TRPM3: variants seen among roughly 807,000 people sequenced by gnomAD.
The protein encoded by TRPM3 is transient receptor potential cation channel subfamily M member 3.
TRPM3 carries 77 observed loss-of-function variants against 181.2 expected under a neutral mutation model. That is an observed-to-expected ratio of 0.42 (90% confidence interval 0.35 to 0.51). The LOEUF (loss-of-function observed/expected upper bound fraction) is 0.51. Among genes scored for constraint, TRPM3 ranks in the 20% least tolerant of loss-of-function variants. The probability of loss-of-function intolerance (pLI) is 0.01; values close to 1 mark genes in which losing one functional copy is unlikely to be tolerated. For synonymous variants in TRPM3, 745 were observed against 796.4 expected (o/e 0.94, Z 1.09); for missense variants, 1,759 against 2,196.7 (o/e 0.80, Z 3.98).
rs191695932 is a variant in TRPM3, at chr9:70,870,996, G to A, written c.178-6485C>T. Among the ~76,000 whole-genome samples the A allele has an allele frequency of 1.1e-3, 174 of 151,786 alleles. 1 individual carries two copies. The highest frequency in any genetic ancestry group is 4.0e-3 in the African/African-American group (165 of 41,426). On this transcript the variant is annotated intron_variant, in intron 1 of 25. Transcript: ENST00000677713. ...CCATATGATAATAGGAGGTTATTAC[G>A]GATGAGTATCTCAGGAAGAGACAAA...
intron 24 of TRPM3, among the ~76,000 whole-genome samples, chr9:70,551,734 G>T (rs1430973178): frequency 6.6e-6 from 1 of 152,152 alleles, no homozygotes; most frequent in Non-Finnish European, 1.5e-5. Flanking sequence ...GCATCCCGCT[G>T]CCCCTGATTT....
At chr9:70,907,932 C>T (rs2096489739) in intron 1 of TRPM3, among the ~76,000 whole-genome samples, 1 of 152,224 alleles carries the variant, frequency 6.6e-6, no homozygotes. Context: ...ATATGTACCA[C>T]AGATTCTTTA....
At chr9:71,099,832 G>T (rs1169022155) in intron 1 of TRPM3, among the ~76,000 whole-genome samples, 1 of 152,082 alleles carries the variant, frequency 6.6e-6, no homozygotes, top group East Asian at 1.9e-4. Context: ...TTACAGATGA[G>T]GAAACTGAGG....
intron 1 of TRPM3, among the ~76,000 whole-genome samples, chr9:70,881,610 T>A (rs2095994431): frequency 6.6e-6 from 1 of 152,220 alleles, no homozygotes; most frequent in South Asian, 2.1e-4. Context: ...GTAAGTACCA[T>A]CGAGTGAGGT....
intron 5 of TRPM3, among the ~76,000 whole-genome samples, chr9:70,834,107 G>A (rs1304284374): frequency 6.6e-6 from 1 of 152,190 alleles, no homozygotes; most frequent in East Asian, 1.9e-4. Flanking sequence ...GCAGAGCAGG[G>A]TCCTGTTGAA....
chr9:70,565,325 C>G (rs982304408), intron 22 of TRPM3, among the ~76,000 whole-genome samples: 1 of 151,880 alleles, frequency 6.6e-6, no homozygotes, highest in Non-Finnish European at 1.5e-5. Flanking sequence ...CAGAGTTTTG[C>G]TCTTGTTGCT....
intron 22 of TRPM3, among the ~76,000 whole-genome samples, chr9:70,573,402 T>C (rs1040867725): frequency 9.2e-5 from 14 of 152,226 alleles, no homozygotes; most frequent in Non-Finnish European, 1.9e-4. Flanking sequence ...AAATGTAAAA[T>C]GGAGTTAGGC....
At chr9:71,373,794 T>C (rs2092594710) in intron 1 of TRPM3, among the ~76,000 whole-genome samples, 2 of 152,188 alleles carry the variant, frequency 1.3e-5, no homozygotes, top group Non-Finnish European at 2.9e-5. Context: ...AGCATCATCC[T>C]GATACCAAAA....
chr9:70,776,791 T>A (rs1198976907), intron 7 of TRPM3, among the ~76,000 whole-genome samples: 1 of 152,140 alleles, frequency 6.6e-6, no homozygotes, highest in Non-Finnish European at 1.5e-5. Context: ...CGCAGTGACT[T>A]GTGAGGAGAA....
At chr9:70,850,025 A>G (rs1254723068) in intron 3 of TRPM3, among the ~76,000 whole-genome samples, 1 of 152,214 alleles carries the variant, frequency 6.6e-6, no homozygotes, top group East Asian at 1.9e-4. Flanking sequence ...AGTTTCCTGA[A>G]CATATATATG....
intron 1 of TRPM3, among the ~76,000 whole-genome samples, chr9:71,232,978 A>G (rs2081157053): frequency 6.6e-6 from 1 of 152,090 alleles, no homozygotes; most frequent in Admixed American, 6.5e-5. Flanking sequence ...GAACAGCTTT[A>G]TACCTGCTCT....
At chr9:70,939,640 T>A (rs1381541536) in intron 1 of TRPM3, among the ~76,000 whole-genome samples, 1 of 152,154 alleles carries the variant, frequency 6.6e-6, no homozygotes, top group Non-Finnish European at 1.5e-5. Flanking sequence ...TAAATCCAAT[T>A]AAAATTTTTA....
At chr9:71,277,751 T>C (rs942993684) in intron 1 of TRPM3, among the ~76,000 whole-genome samples, 4 of 152,174 alleles carry the variant, frequency 2.6e-5, no homozygotes, top group Admixed American at 2.6e-4. Context: ...ATCTAATCTG[T>C]ATTAAAGTAA....
chr9:71,303,192 C>G lies in TRPM3; in HGVS notation c.183+143461G>C, dbSNP rs114725264. ...AAAGGAAAGGGACAGGGAGATGGGA[C>G]AAAATAACCCTGGACTCATTGCCCT... On this transcript the variant is annotated intron_variant, in intron 1 of 24. Transcript: ENST00000357533. Among the ~76,000 whole-genome samples, 1,230 of 152,132 alleles carry G rather than the reference C, an allele frequency of 8.1e-3. 20 individuals carry two copies. Among genetic ancestry groups the G allele is most frequent in the African/African-American group, 0.027 (1,114 of 41,502 alleles).
At chr9:71,323,719 G>T (rs536931212) in intron 1 of TRPM3, among the ~76,000 whole-genome samples, 3 of 152,150 alleles carry the variant, frequency 2.0e-5, no homozygotes, top group African/African-American at 4.8e-5. Flanking sequence ...TATCCAATAT[G>T]GGCAAGCAAA....
chr9:71,013,363 C>G (rs1334981777), intron 1 of TRPM3, among the ~76,000 whole-genome samples: 2 of 152,068 alleles, frequency 1.3e-5, no homozygotes, highest in East Asian at 3.9e-4. Context: ...ACAATTACAT[C>G]TATATATGAG....
chr9:70,579,808 T>C (rs1254358162), intron 22 of TRPM3, among the ~76,000 whole-genome samples: 2 of 152,232 alleles, frequency 1.3e-5, no homozygotes, highest in Admixed American at 1.3e-4. Flanking sequence ...AACTGCCATG[T>C]AGGCAAAGCC....
intron 1 of TRPM3, among the ~76,000 whole-genome samples, chr9:71,029,539 T>C (rs990929497): frequency 1.3e-5 from 2 of 152,094 alleles, no homozygotes; most frequent in African/African-American, 4.8e-5. Flanking sequence ...ATTTATTTGT[T>C]CCAAATTTAA....
intron 7 of TRPM3, among the ~76,000 whole-genome samples, chr9:70,772,984 A>G (rs1383109621): frequency 6.6e-6 from 1 of 151,964 alleles, no homozygotes; most frequent in Non-Finnish European, 1.5e-5. Context: ...CCCATATAAA[A>G]GACAGAATCC....
Sources: gnomAD v4.1 joint callset for allele counts (sites outside exome capture counted in the v4.1 genomes callset) on GRCh38, gnomAD v4.1.1 for gene constraint, MANE v1.5 for transcripts, NCBI Gene and HGNC (gene_info 2026-07-23, HGNC 2026-07-21) for gene names.